The following TYK2 variants were observed in gnomAD, a reference collection of about 807,000 sequenced individuals.
TYK2 encodes non-receptor tyrosine-protein kinase TYK2.
Under a neutral mutation model 130.9 loss-of-function variants are expected in TYK2, and 65 were observed. The ratio of observed to expected loss-of-function variants is 0.50; its 90% CI spans 0.41 to 0.61. TYK2 has a LOEUF of 0.61. Ranked by LOEUF, TYK2 falls within the 20% of genes least tolerant of loss-of-function variation. The pLI is 0.00. For synonymous variants in TYK2, 647 were observed against 658.9 expected (o/e 0.98, Z 0.28); for missense variants, 1,378 against 1,610.7 (o/e 0.86, Z 2.47).
Position 10,364,317 on chromosome 19 carries a change from G to A in TYK2, c.1367+297C>T, listed in dbSNP as rs1030186238. ...CCTGAGGTCAGGAGTTCAAGACTAG[G>A]TTGGCCAATCTGATGAAACCCCATC... On this transcript the variant is annotated intron_variant, in intron 9 of 24. Coordinates refer to ENST00000525621, the MANE Select transcript of TYK2 (RefSeq NM_003331.5). This position sits in a 1 kb window ranked among gnomAD's most constrained non-coding sequence, Gnocchi z 4.9. Among the ~76,000 whole-genome samples, 1 of 151,982 alleles carries A rather than the reference G, an allele frequency of 6.6e-6. No homozygotes were observed. Among genetic ancestry groups the A allele is most frequent in the Non-Finnish European group, 1.5e-5 (1 of 68,002 alleles).
rs1229377703 is a variant in TYK2, at chr19:10,366,520, T to A, written c.526A>T (p.Ile176Phe). ...SLWELSTEEE[I>F]HHFKNESLGM... ...AGGCTCTCATTCTTAAAGTGGTGGA[T>A]CTCCTCCTCGGTCGACAGCTCCCAC... The change falls in exon 6 of 25, where the codon ATC (isoleucine) becomes TTC (phenylalanine). Residue 176 changes from isoleucine to phenylalanine, a missense_variant. By Grantham distance (21) the Ile-to-Phe change is conservative. Coordinates refer to ENST00000525621, the MANE Select transcript of TYK2 (RefSeq NM_003331.5). 2.5e-6 allele frequency: 4 copies of A among 1,613,700 alleles called. No homozygotes were observed. The highest frequency in any genetic ancestry group is 3.4e-6 in the Non-Finnish European group (4 of 1,179,950).
At position 10,354,202 on chromosome 19, in the gene TYK2, G is replaced by A. The variant is rs1361975047; in HGVS notation, c.2748C>T (p.Tyr916=). The change falls in exon 20 of 25, where the codon TAC becomes TAT. Residue 916 remains tyrosine (Y), a synonymous_variant. Coordinates refer to ENST00000525621, the MANE Select transcript of TYK2 (RefSeq NM_003331.5). ...GHFGKVSLYC[Y]DPTNDGTGEM... is the part of the protein sequence containing the mutation. ...CGCCAGTGCCGTCGTTGGTCGGATC[G>A]TAGCAGTACAAGCTGACCTTGCCGA... The A allele has an allele frequency of 6.2e-7, 1 of 1,613,466 alleles. No homozygotes were observed. The highest frequency in any genetic ancestry group is 8.5e-7 in the Non-Finnish European group (1 of 1,180,032).
chr19:10,380,521 A>C lies in TYK2; in HGVS notation c.-327T>G, dbSNP rs2042325998. Reference sequence around the variant, plus strand: ...GCGTCCAGACTCACCCTTCCGGGGGAACACAAGCTCGAACCCGGACCCCTC... The same window carrying C: ...GCGTCCAGACTCACCCTTCCGGGGGCACACAAGCTCGAACCCGGACCCCTC... On this transcript the variant is annotated 5_prime_UTR_variant, in exon 1 of 25. Coordinates refer to ENST00000525621, the MANE Select transcript of TYK2 (RefSeq NM_003331.5). 6.6e-6 allele frequency: 1 copy of C among 152,324 alleles called. No homozygotes were observed. Among genetic ancestry groups the C allele is most frequent in the African/African-American group, 2.4e-5 (1 of 41,444 alleles). 9.4% of individuals were successfully genotyped at this position (152,324 alleles called of 1,614,324 possible). A position where few individuals can be genotyped will look rare whatever the true frequency, so the allele number is the denominator to read the frequency against.
At position 10,364,526 on chromosome 19, in the gene TYK2, T is replaced by TAC. The variant is rs1491570450; in HGVS notation, c.1367+86_1367+87dup. 6.9e-7 allele frequency: 1 copy of TAC among 1,459,684 alleles called. No homozygotes were observed. The highest frequency in any genetic ancestry group is 9.5e-7 in the Non-Finnish European group (1 of 1,051,332). The allele number at this position is 1,459,684 out of a possible 1,614,324, so 90.4% of individuals were successfully genotyped here. A position where few individuals can be genotyped will look rare whatever the true frequency, so the allele number is the denominator to read the frequency against. ...ATAAAAAAAAAATAAGACGTGCACC[T>TAC]ACACACACACCCTGCACAGCCCCTA... On this transcript the variant is annotated intron_variant, in intron 9 of 24. Coordinates refer to ENST00000525621, the MANE Select transcript of TYK2 (RefSeq NM_003331.5). The surrounding 1 kb of genome is among the most constrained non-coding windows in gnomAD (Gnocchi z 4.9).
At chr19:10,359,684 A>G (rs990040970) in intron 14 of TYK2, among the ~76,000 whole-genome samples, 1 of 146,486 alleles carries the variant, frequency 6.8e-6, no homozygotes, top group African/African-American at 2.5e-5. Flanking sequence ...CATCACTACT[A>G]AAAAAAAAAA....
intron 3 of TYK2, among the ~76,000 whole-genome samples, chr19:10,370,090 G>A (rs557431542): frequency 1.3e-5 from 2 of 151,790 alleles, no homozygotes; most frequent in South Asian, 2.1e-4. Flanking sequence ...GGCCAGGCTC[G>A]AGGGTGCACA....
At position 10,359,202 on chromosome 19, in the gene TYK2, C is replaced by T. The variant is rs1342794151; in HGVS notation, c.2148G>A (p.Gln716=). The change falls in exon 15 of 25, where the codon CAG becomes CAA. Residue 716 remains glutamine, a synonymous_variant. Coordinates refer to ENST00000525621, the MANE Select transcript of TYK2 (RefSeq NM_003331.5). ...GGTAGCTGAGGGCGCTGGCCAGCTG[C>T]TGGGCCACCACCATCTTCCAAGCCA... ...VPMAWKMVVA[Q]QLASALSYLE... is the part of the protein sequence containing the mutation. The T allele has an allele frequency of 6.2e-7, 1 of 1,606,492 alleles. No homozygotes were observed. Among genetic ancestry groups the T allele is most frequent in the Non-Finnish European group, 8.5e-7 (1 of 1,179,884 alleles).
chr19:10,371,676 T>C (rs1353623345), intron 3 of TYK2, among the ~76,000 whole-genome samples: 1 of 152,066 alleles, frequency 6.6e-6, no homozygotes, highest in Non-Finnish European at 1.5e-5. Flanking sequence ...TGTGGTATTA[T>C]ACTGCAGACG....
rs2041441123 is a variant in TYK2, at chr19:10,362,184, G to C, written c.1670-3C>G. The C allele has an allele frequency of 1.2e-6, 2 of 1,613,938 alleles. No individual in the cohort carries two copies. The highest frequency in any genetic ancestry group is 1.7e-6 in the Non-Finnish European group (2 of 1,180,004). On this transcript the variant is annotated splice_polypyrimidine_tract_variant and splice_region_variant and intron_variant, in intron 11 of 24. Coordinates refer to ENST00000525621, the MANE Select transcript of TYK2 (RefSeq NM_003331.5). ...CATGATGATGAGATTGGAGGTTTCT[G>C]GGGGCAGGCATCAAGTCATGGAGGG...
chr19:10,377,882 GTGGA>G (rs2042219636), intron 3 of TYK2, among the ~76,000 whole-genome samples: 2 of 55,332 alleles, frequency 3.6e-5, no homozygotes, highest in Non-Finnish European at 3.5e-5. Flanking sequence ...GGATGCGTGG[GTGGA>G]TGGATGGGTG....
chr19:10,360,533 G>C (rs1027702705), intron 14 of TYK2, among the ~76,000 whole-genome samples: 5 of 151,968 alleles, frequency 3.3e-5, no homozygotes, highest in Non-Finnish European at 5.9e-5. Flanking sequence ...TACAAAGTAA[G>C]CAACTAGGGA....
chr19:10,379,113 C>T (rs1379941778), intron 2 of TYK2, among the ~76,000 whole-genome samples: 1 of 151,746 alleles, frequency 6.6e-6, no homozygotes, highest in Admixed American at 6.6e-5. Flanking sequence ...CCCGCCTCGG[C>T]CTCCCAAAGT....
In TYK2 at chr19:10,361,889, C is replaced by T. The variant is rs547427284; in HGVS notation, c.1840G>A (p.Gly614Arg). The T allele has an allele frequency of 2.5e-5, 40 of 1,614,070 alleles. No individual in the cohort carries two copies. The highest frequency in any genetic ancestry group is 2.2e-4 in the East Asian group (10 of 44,888). Reference protein sequence around the residue: ...YEGRLRVEGSGDPEEGKMDDE... With the variant: ...YEGRLRVEGSRDPEEGKMDDE... ...TCCATCTTGCCCTCCTCAGGGTCCC[C>T]GCTGCCCTCCACTCGCAGGCGGCCC... Residue 614 changes from glycine to arginine, a missense_variant, in exon 13 of 25, where the codon GGG (glycine) becomes AGG (arginine). Coordinates refer to ENST00000525621, the MANE Select transcript of TYK2 (RefSeq NM_003331.5). This position sits in a 1 kb window ranked among gnomAD's most constrained non-coding sequence, Gnocchi z 4.0.
At position 10,356,637 on chromosome 19, in the gene TYK2, T is replaced by G; in HGVS notation, c.2548A>C (p.Thr850Pro). 1 of 1,613,596 alleles carries G rather than the reference T, an allele frequency of 6.2e-7. No individual in the cohort carries two copies. Among genetic ancestry groups the G allele is most frequent in the Non-Finnish European group, 8.5e-7 (1 of 1,179,872 alleles). The change falls in exon 18 of 25, where the codon ACC becomes CCC. Residue 850 changes from threonine to proline, a missense_variant. Physicochemically the swap from Thr to Pro is conservative, Grantham distance 38. Coordinates refer to ENST00000525621, the MANE Select transcript of TYK2 (RefSeq NM_003331.5). ...QLATLTSQCL[T>P]YEPTQRPSFR... is the part of the protein sequence containing the mutation. ...GATGGCCTCTGGGTTGGCTCATAGGTCAGACACTGGCTGGTGAGTGTGGCC... is the reference window on the plus strand; with the variant it reads ...GATGGCCTCTGGGTTGGCTCATAGGGCAGACACTGGCTGGTGAGTGTGGCC...
intron 3 of TYK2, chr19:10,369,752 T>C (rs929960862): frequency 1.1e-5 from 5 of 453,678 alleles, no homozygotes; most frequent in African/African-American, 2.0e-5. Flanking sequence ...ATTTAAAAAT[T>C]GTACCTGTCG....
In TYK2 at chr19:10,353,187, G is replaced by A; in HGVS notation, c.3028-89C>T. 2 of 1,240,756 alleles carry A rather than the reference G, an allele frequency of 1.6e-6. No individual in the cohort carries two copies. Among genetic ancestry groups the A allele is most frequent in the Non-Finnish European group, 2.1e-6 (2 of 933,082 alleles). 76.9% of individuals were successfully genotyped at this position (1,240,756 alleles called of 1,614,324 possible). On this transcript the variant is annotated intron_variant, in intron 21 of 24. Transcript: ENST00000525621. This position sits in a 1 kb window ranked among gnomAD's most constrained non-coding sequence, Gnocchi z 6.9. ...ACCTGAGCAGCCAGGAGGGCTGGGG[G>A]ACAGTCAGGTCAGGCCGGTGGCTAC... is the stretch of plus-strand genomic sequence containing the variant.
At chr19:10,360,159 G>A (rs1344294733) in intron 14 of TYK2, among the ~76,000 whole-genome samples, 1 of 151,934 alleles carries the variant, frequency 6.6e-6, no homozygotes, top group African/African-American at 2.4e-5. Flanking sequence ...TCCAGCCTGG[G>A]TGACACAGTG....
In TYK2 at chr19:10,364,502, T is replaced by TAA; in HGVS notation, c.1367+110_1367+111dup. ...GCACTCCAGTTTGGGCGACAAAAAA[T>TAA]AAAAAAAAAATAAGACGTGCACCTA... On this transcript the variant is annotated intron_variant, in intron 9 of 24. Coordinates refer to ENST00000525621, the MANE Select transcript of TYK2 (RefSeq NM_003331.5). This position sits in a 1 kb window ranked among gnomAD's most constrained non-coding sequence, Gnocchi z 4.9. 9 of 1,183,464 alleles carry TAA rather than the reference T, an allele frequency of 7.6e-6. No individual in the cohort carries two copies. The highest frequency in any genetic ancestry group is 2.7e-5 in the East Asian group (1 of 37,122). The allele number at this position is 1,183,464 out of a possible 1,614,324, so 73.3% of individuals were successfully genotyped here. A position where few individuals can be genotyped will look rare whatever the true frequency, so the allele number is the denominator to read the frequency against.
intron 3 of TYK2, among the ~76,000 whole-genome samples, chr19:10,373,123 AC>A (rs2041986792): frequency 7.8e-6 from 1 of 127,458 alleles, no homozygotes; most frequent in African/African-American, 3.1e-5. Flanking sequence ...TGTAACCTCC[AC>A]CCCCTGGGTT....
Sources: gnomAD v4.1 joint callset for allele counts (sites outside exome capture counted in the v4.1 genomes callset) on GRCh38, gnomAD v4.1.1 for gene constraint, Gnocchi (gnomAD v3.1) non-coding constraint, MANE v1.5 for transcripts, NCBI Gene and HGNC (gene_info 2026-07-23, HGNC 2026-07-21) for gene names.